Variants in ATP7A observed in about 807,000 individuals in gnomAD.
ATP7A encodes ATPase copper transporting alpha.
ATP7A carries 7 observed loss-of-function variants against 83.5 expected under a neutral mutation model. The ratio of observed to expected loss-of-function variants is 0.08; its 90% CI spans 0.05 to 0.16. The LOEUF (loss-of-function observed/expected upper bound fraction) is 0.16, where lower values mean the gene tolerates loss of function less well. Ranked by LOEUF, ATP7A falls within the 10% of genes least tolerant of loss-of-function variation. The pLI, the probability that ATP7A is intolerant of heterozygous loss-of-function variation, is 1.00. For synonymous variants in ATP7A, 354 were observed against 395.2 expected (o/e 0.90, Z 1.24); for missense variants, 940 against 1,120.8 (o/e 0.84, Z 2.30).
chrX:78,021,109 A>G, intron 14 of ATP7A, 30 bp downstream of exon 14: 2 of 1,171,278 alleles, frequency 1.7e-6, no homozygotes, highest in Non-Finnish European at 2.3e-6. Context: ...TCGTTACTAT[A>G]TGCAGAACAA....
In ATP7A at chrX:77,998,045, T is replaced by TA. The variant is rs782672124; in HGVS notation, c.1337-422dup. On this transcript the variant is annotated intron_variant, in intron 4 of 22. Transcript: ENST00000341514. The stretch of plus-strand genomic sequence containing the variant: ...TTCTCATCTATGCATACACTAAAAT[T>TA]AAAAAAAAAAATCAGCACACTGCAA... Among the ~76,000 whole-genome samples, 178 of 105,401 alleles carry TA rather than the reference T, an allele frequency of 1.7e-3. 1 individual carries two copies. Among genetic ancestry groups the TA allele is most frequent in the Non-Finnish European group, 2.4e-3 (123 of 51,058 alleles). 91.5% of individuals were successfully genotyped at this position (105,401 alleles called of 115,157 possible).
chrX:77,969,577 C>T (rs2077533774), intron 1 of ATP7A: 4 of 1,212,057 alleles, frequency 3.3e-6, no homozygotes, highest in Non-Finnish European at 3.3e-6. Flanking sequence ...GCAGCTGAAG[C>T]GGTTCTCCAG....
At chrX:77,946,729 T>TA (rs782042145) in intron 1 of ATP7A, among the ~76,000 whole-genome samples, 5,759 of 54,930 alleles carry the variant, frequency 0.1, 520 homozygotes, top group African/African-American at 0.28. Context: ...TGGCTATTAC[T>TA]AAAAAAAAAA....
chrX:77,967,899 T>C (rs1175532622), intron 1 of ATP7A, among the ~76,000 whole-genome samples: 1 of 111,869 alleles, frequency 8.9e-6, no homozygotes, highest in Non-Finnish European at 1.9e-5. Context: ...TTCAGCATTT[T>C]CTGCTTAAGT....
At chrX:77,991,016 TG>T (rs1347531596) in intron 4 of ATP7A, among the ~76,000 whole-genome samples, 4 of 111,827 alleles carry the variant, frequency 3.6e-5, no homozygotes, top group Non-Finnish European at 7.5e-5. Flanking sequence ...ATTTTTCTGT[TG>T]GTGACAAATG....
In ATP7A at chrX:77,969,387, A is replaced by G. The variant is rs782708147; in HGVS notation, c.-21-2234A>G. On this transcript the variant is annotated intron_variant, in intron 1 of 22. Transcript: ENST00000341514. ...CATAGTGCCGCTCATTGAGGCGCCA[A>G]GTCCTCACCACTGGCAGCCACATCT... 18 of 1,208,370 alleles carry G rather than the reference A, an allele frequency of 1.5e-5. No homozygotes were observed. In the East Asian group the frequency reaches 3.9e-4, roughly 26 times the overall value.
At position 78,011,669 on chromosome X, in the gene ATP7A, G is replaced by A; in HGVS notation, c.2167G>A (p.Val723Ile). The A allele has an allele frequency of 8.3e-7, 1 of 1,204,354 alleles. No individual in the cohort carries two copies. Among genetic ancestry groups the A allele is most frequent in the Non-Finnish European group, 1.1e-6 (1 of 889,101 alleles). Residue 723 changes from valine (V) to isoleucine (I), a missense_variant, in exon 9 of 23, where the codon GTA becomes ATA. By Grantham distance (29) the Val-to-Ile change is conservative. This residue lies in a region of ATP7A where 204 missense variants were observed against 185.8 expected (regional missense o/e 1.10). Coordinates refer to ENST00000341514, the MANE Select transcript of ATP7A (RefSeq NM_000052.7). The part of the protein sequence containing the change: ...NLLSFLLCVP[V>I]QFFGGWYFYI... ...GCTGTCCTTTTTATTGTGTGTACCT[G>A]TACAGGCAAGTGAATTGTTAGCAAA...
At chrX:77,955,240 A>G (rs1237142480) in intron 1 of ATP7A, among the ~76,000 whole-genome samples, 1 of 111,684 alleles carries the variant, frequency 9.0e-6, no homozygotes, top group Non-Finnish European at 1.9e-5. Flanking sequence ...TTATGTTTTT[A>G]AACCTTTGTA....
chrX:78,010,005 A>T (rs2077806176), intron 7 of ATP7A, among the ~76,000 whole-genome samples: 2 of 112,746 alleles, frequency 1.8e-5, no homozygotes, highest in African/African-American at 6.4e-5. Flanking sequence ...GTGGTAATAC[A>T]TGTGAATGTA....
In ATP7A at chrX:78,011,486, A is replaced by G; in HGVS notation, c.1984A>G (p.Ile662Val). ...RSFLVSLFFC[I>V]PVMGLMIYMM... ...TTTTCTTGTGAGTCTGTTTTTCTGT[A>G]TTCCTGTAATGGGGCTGATGATATA... The change falls in exon 9 of 23, where the codon ATT (isoleucine) becomes GTT (valine). Residue 662 changes from isoleucine (I) to valine (V), a missense_variant. Transcript: ENST00000341514. 1 of 1,210,266 alleles carries G rather than the reference A, an allele frequency of 8.3e-7. No homozygotes were observed. Among genetic ancestry groups the G allele is most frequent in the South Asian group, 1.8e-5 (1 of 56,900 alleles).
chrX:78,020,686 A>T lies in ATP7A; in HGVS notation c.2782-259A>T, dbSNP rs782800960. Among the ~76,000 whole-genome samples, 18 of 106,953 alleles carry T rather than the reference A, an allele frequency of 1.7e-4. No individual in the cohort carries two copies. The South Asian group carries it at 6.9e-3, about 41-fold the overall frequency. The allele number at this position is 106,953 out of a possible 115,157, so 92.9% of individuals were successfully genotyped here. On this transcript the variant is annotated intron_variant, in intron 13 of 22. Transcript: ENST00000341514. ...CACATGCCACCACACCCAGCTAATT[A>T]AAAAAATTTTTTTTTATAGAAACAG...
intron 1 of ATP7A, chrX:77,923,880 T>C (rs2077228575): frequency 9.0e-6 from 1 of 111,657 alleles, no homozygotes; most frequent in Non-Finnish European, 1.9e-5. Context: ...GTTTTAATAA[T>C]TTATATCACA....
chrX:77,939,158 G>T (rs2077336864), intron 1 of ATP7A, among the ~76,000 whole-genome samples: 1 of 110,683 alleles, frequency 9.0e-6, no homozygotes. Context: ...TTAGCTGGGT[G>T]TGGTGGTGTG....
At position 77,998,516 on chromosome X, in the gene ATP7A, T is replaced by C. The variant is rs374530062; in HGVS notation, c.1375T>C (p.Ser459Pro). The C allele has an allele frequency of 1.7e-6, 2 of 1,210,196 alleles. No individual in the cohort carries two copies. The highest frequency in any genetic ancestry group is 3.5e-5 in the African/African-American group (2 of 57,219). The stretch of plus-strand genomic sequence containing the variant: ...GTTGGTAGTAATAGCTCAGCCTTCA[T>C]CGGAAATGCCGCTTTTGACTTCAAC... ...EPLVVIAQPS[S>P]EMPLLTSTNE... Residue 459 changes from serine (S) to proline (P), a missense_variant, in exon 5 of 23, where the codon TCG becomes CCG. Coordinates refer to ENST00000341514, the MANE Select transcript of ATP7A (RefSeq NM_000052.7).
intron 12 of ATP7A, 98 bp downstream of exon 12, chrX:78,015,979 C>G (rs2077860448): frequency 1.0e-6 from 1 of 971,237 alleles, no homozygotes; most frequent in African/African-American, 1.9e-5. Flanking sequence ...AAATTATGAA[C>G]AGAGAGAATA....
chrX:78,012,719 A>C (rs868968971), intron 9 of ATP7A, among the ~76,000 whole-genome samples, 160 bp from the exon 10 acceptor site: 1 of 111,463 alleles, frequency 9.0e-6, no homozygotes, highest in Non-Finnish European at 1.9e-5. Context: ...ATGTACATCT[A>C]TTGAAATACA....
intron 14 of ATP7A, among the ~76,000 whole-genome samples, chrX:78,024,779 A>C (rs782128955): frequency 7.2e-5 from 8 of 111,424 alleles, no homozygotes; most frequent in Non-Finnish European, 1.3e-4. Flanking sequence ...CAGGAGCCCT[A>C]TAACAAGGGC....
At position 77,990,023 on chromosome X, in the gene ATP7A, G is replaced by A. The variant is rs782697111; in HGVS notation, c.1336+65G>A. 97 of 1,181,300 alleles carry A rather than the reference G, an allele frequency of 8.2e-5. No homozygotes were observed. Among genetic ancestry groups the A allele is most frequent in the Non-Finnish European group, 1.1e-4 (93 of 874,570 alleles). On this transcript the variant is annotated intron_variant, in intron 4 of 22. Coordinates refer to ENST00000341514, the MANE Select transcript of ATP7A (RefSeq NM_000052.7). ...TACTTCCATTTTGCTGCTTCTTTTG[G>A]CATTTATCAATGAGAAATGATTCAT...
chrX:78,045,380 A>T, intron 21 of ATP7A, 90 bp from the exon 22 acceptor site: 1 of 841,198 alleles, frequency 1.2e-6, no homozygotes. Context: ...AAGAAGTATC[A>T]AACAAAGAAA....
Sources: allele counts gnomAD v4.1 joint callset (sites outside exome capture counted in the v4.1 genomes callset), GRCh38; gene constraint gnomAD v4.1.1; regional missense constraint gnomAD v4.1.1; transcripts MANE v1.5; gene names NCBI Gene and HGNC (gene_info 2026-07-23, HGNC 2026-07-21).